The following CNTN6 variants were observed in gnomAD, a reference collection of about 807,000 sequenced individuals.
CNTN6 encodes the protein contactin-6.
A neutral mutation model predicts 122.8 loss-of-function variants in CNTN6; 137 were observed. That is an observed-to-expected ratio of 1.12 (90% CI 0.97 to 1.29). CNTN6 has a LOEUF of 1.29. Ranked by LOEUF, CNTN6 falls within the 50% of genes most tolerant of loss-of-function variation. The pLI is 0.00. For synonymous variants in CNTN6, 570 were observed against 426.0 expected (o/e 1.34, Z -4.16); for missense variants, 1,634 against 1,223.4 (o/e 1.34, Z -5.01).
At chr3:1,384,992 A>T (rs1378096576) in intron 19 of CNTN6, among the ~76,000 whole-genome samples, 1 of 151,692 alleles carries the variant, frequency 6.6e-6, no homozygotes, top group Admixed American at 6.6e-5. Flanking sequence ...TCAATTCCTG[A>T]TGTATTTTGT....
intron 1 of CNTN6, among the ~76,000 whole-genome samples, chr3:1,133,339 GTAA>G (rs946094854): frequency 7.9e-5 from 12 of 151,990 alleles, no homozygotes; most frequent in South Asian, 4.1e-4. Flanking sequence ...TACTTTTGTA[GTAA>G]TAATAATAAT....
At chr3:1,388,951 A>G (rs1028380702) in intron 20 of CNTN6, among the ~76,000 whole-genome samples, 2 of 141,844 alleles carry the variant, frequency 1.4e-5, no homozygotes, top group African/African-American at 5.3e-5. Flanking sequence ...TGTACCTGAA[A>G]GTGATGGGGA....
chr3:1,340,489 C>A (rs920315992), intron 11 of CNTN6, among the ~76,000 whole-genome samples: 1 of 152,056 alleles, frequency 6.6e-6, no homozygotes, highest in Non-Finnish European at 1.5e-5. Flanking sequence ...GGATTTTTAA[C>A]GTAACATACA....
chr3:1,329,721 A>T, intron 10 of CNTN6, 64 bp from the exon 11 acceptor site: 3 of 1,355,346 alleles, frequency 2.2e-6, no homozygotes, highest in Non-Finnish European at 2.0e-6. Context: ...ATAGCAAGTC[A>T]CCCCTGGAGT....
intron 4 of CNTN6, among the ~76,000 whole-genome samples, chr3:1,249,040 T>A: frequency 6.6e-6 from 1 of 152,164 alleles, no homozygotes; most frequent in African/African-American, 2.4e-5. Flanking sequence ...AGATTCTACA[T>A]GTTTAACAAG....
chr3:1,334,058 TTC>T (rs1203353937), intron 11 of CNTN6, among the ~76,000 whole-genome samples: 1 of 152,174 alleles, frequency 6.6e-6, no homozygotes, highest in East Asian at 1.9e-4. Context: ...AAGAGTTCTG[TTC>T]CTAAAGCAAG....
chr3:1,192,354 C>A (rs2093714187), intron 2 of CNTN6, among the ~76,000 whole-genome samples: 1 of 152,128 alleles, frequency 6.6e-6, no homozygotes, highest in Admixed American at 6.6e-5. Flanking sequence ...TTCTAGCAAG[C>A]TACTACTAAT....
chr3:1,229,905 T>C (rs1559555932), intron 4 of CNTN6, among the ~76,000 whole-genome samples: 1 of 152,206 alleles, frequency 6.6e-6, no homozygotes, highest in Non-Finnish European at 1.5e-5. Flanking sequence ...CTAATCTTTC[T>C]TCTGCAAAGT....
chr3:1,295,832 T>A, intron 6 of CNTN6, 28 bp downstream of exon 6: 1 of 1,589,482 alleles, frequency 6.3e-7, no homozygotes, highest in Non-Finnish European at 8.6e-7. Context: ...CTTGGGAATG[T>A]ACTTTATCTT....
intron 7 of CNTN6, among the ~76,000 whole-genome samples, chr3:1,308,323 G>GCA (rs60513877): frequency 2.7e-5 from 4 of 149,292 alleles, no homozygotes; most frequent in Non-Finnish European, 4.5e-5. Flanking sequence ...GTGTGTGTGT[G>GCA]CACCTGTTAG....
chr3:1,306,744 G>A (rs1424756697), intron 7 of CNTN6, among the ~76,000 whole-genome samples: 2 of 152,148 alleles, frequency 1.3e-5, no homozygotes, highest in Middle Eastern at 3.2e-3. Flanking sequence ...GCATTAAATA[G>A]TAACTACTTT....
At chr3:1,138,734 T>C (rs900874916) in intron 1 of CNTN6, among the ~76,000 whole-genome samples, 1 of 152,020 alleles carries the variant, frequency 6.6e-6, no homozygotes, top group African/African-American at 2.4e-5. Context: ...TGCTATATTA[T>C]TGCTTTGTTT....
chr3:1,345,575 A>C (rs1704564443), intron 11 of CNTN6, among the ~76,000 whole-genome samples: 1 of 152,218 alleles, frequency 6.6e-6, no homozygotes, highest in Non-Finnish European at 1.5e-5. Flanking sequence ...TTATTAAATG[A>C]CAGTGACATT....
At chr3:1,184,199 G>T (rs1296623081) in intron 2 of CNTN6, among the ~76,000 whole-genome samples, 1 of 152,142 alleles carries the variant, frequency 6.6e-6, no homozygotes, top group Non-Finnish European at 1.5e-5. Context: ...AAAAACAAGG[G>T]ATGTAACAGG....
chr3:1,144,284 C>T lies in CNTN6; in HGVS notation c.-82-3643C>T, dbSNP rs867298791. ...AAACTTCATATAAATTTGAGATAAA[C>T]GATACAGGGGACTGGGCACTGTGGC... On this transcript the variant is annotated intron_variant, in intron 1 of 22. Transcript: ENST00000446702. 1.4e-4 allele frequency among the ~76,000 whole-genome samples: 21 copies of T among 152,070 alleles called. No homozygotes were observed. In the South Asian group the frequency reaches 2.3e-3, roughly 17 times the overall value.
At position 1,305,103 on chromosome 3, in the gene CNTN6, T is replaced by C. The variant is rs74676085; in HGVS notation, c.761+7112T>C. 2.4e-3 allele frequency among the ~76,000 whole-genome samples: 359 copies of C among 152,262 alleles called. 3 individuals are homozygous for C. Among genetic ancestry groups the C allele is most frequent in the East Asian group, 0.019 (99 of 5,182 alleles). ...TCAAAAATCAGGTTTATACACCTTA[T>C]TATTTTATAGATGATGATGGCAATG... On this transcript the variant is annotated intron_variant, in intron 7 of 22. Transcript: ENST00000446702.
intron 7 of CNTN6, among the ~76,000 whole-genome samples, chr3:1,313,121 A>C (rs1699625132): frequency 6.6e-6 from 1 of 152,054 alleles, no homozygotes; most frequent in South Asian, 2.1e-4. Context: ...AGGCCCACCT[A>C]CCTATACCAA....
At chr3:1,158,795 T>TATATACACACATATATATACATAC (rs2093038205) in intron 2 of CNTN6, among the ~76,000 whole-genome samples, 1 of 40,448 alleles carries the variant, frequency 2.5e-5, no homozygotes. Flanking sequence ...TATATGTGTA[T>TATATACACACATATATATACATAC]ATATATACAC....
At chr3:1,272,754 T>C (rs1308483065) in intron 4 of CNTN6, among the ~76,000 whole-genome samples, 2 of 152,156 alleles carry the variant, frequency 1.3e-5, no homozygotes, top group African/African-American at 4.8e-5. Context: ...GCTGGCACTG[T>C]CAAGTGCATC....
Sources: allele counts gnomAD v4.1 joint callset (sites outside exome capture counted in the v4.1 genomes callset), GRCh38; gene constraint gnomAD v4.1.1; transcripts MANE v1.5; gene names NCBI Gene and HGNC (gene_info 2026-07-23, HGNC 2026-07-21).